SPTBN4: variants seen among roughly 807,000 people sequenced by gnomAD.
SPTBN4 encodes spectrin beta chain, non-erythrocytic 4.
A neutral mutation model predicts 277.8 loss-of-function variants in SPTBN4; 96 were observed. The observed-to-expected ratio is 0.35, with a 90% CI of 0.29 to 0.41. The LOEUF (loss-of-function observed/expected upper bound fraction) is 0.41. Ranked by LOEUF, SPTBN4 falls within the 10% of genes least tolerant of loss-of-function variation. SPTBN4 has a pLI of 1.00. For missense variants in SPTBN4, 3,006 were observed against 3,595.7 expected, an observed-to-expected ratio of 0.84 and a Z score of 4.19; for synonymous variants, 1,481 against 1,580.3, an observed-to-expected ratio of 0.94 and a Z score of 1.49.
At chr19:40,487,571 C>T in intron 2 of SPTBN4, 126 bp from the exon 3 acceptor site, 2 of 1,258,476 alleles carry the variant, frequency 1.6e-6, no homozygotes, top group Non-Finnish European at 2.1e-6. Context: ...GTCTCGAACT[C>T]CTACCTCAGG....
At chr19:40,534,385 TG>T in intron 20 of SPTBN4, 42 bp downstream of exon 20, 2 of 1,598,306 alleles carry the variant, frequency 1.3e-6, no homozygotes, top group Non-Finnish European at 1.7e-6. Flanking sequence ...CTATGCCACA[TG>T]GGGGCCAGGT....
intron 7 of SPTBN4, 71 bp from the exon 8 acceptor site, chr19:40,501,850 T>A: frequency 7.6e-7 from 1 of 1,310,378 alleles, no homozygotes; most frequent in Non-Finnish European, 1.1e-6. Flanking sequence ...TCTCCATCCC[T>A]CCATCCAATA....
At chr19:40,542,944 C>T (rs2080818382) in intron 20 of SPTBN4, among the ~76,000 whole-genome samples, 1 of 151,974 alleles carries the variant, frequency 6.6e-6, no homozygotes, top group Admixed American at 6.6e-5. Flanking sequence ...GGCTCGGGGT[C>T]TGAGGGGTGG....
rs1421855128 is a variant in SPTBN4, at chr19:40,519,482, G to A, written c.2985G>A (p.Glu995=). The A allele has an allele frequency of 1.2e-6, 2 of 1,608,276 alleles. No individual in the cohort carries two copies. The highest frequency in any genetic ancestry group is 2.3e-5 in the East Asian group (1 of 43,872). Residue 995 remains glutamate, a synonymous_variant, in exon 16 of 36, where the codon GAG becomes GAA. Transcript: ENST00000598249. The surrounding 1 kb of genome is among the most constrained non-coding windows in gnomAD (Gnocchi z 5.7). The part of the protein sequence containing the change: ...AVLLVENHVL[E]VAEVRAQVRE... ...TGCTGGTGGAGAACCACGTGCTGGAGGTGGCCGAGGTGCGCGCCCAGGTGC... is the reference window on the plus strand; with the variant it reads ...TGCTGGTGGAGAACCACGTGCTGGAAGTGGCCGAGGTGCGCGCCCAGGTGC...
rs1029947811 is a variant in SPTBN4 at position 40,560,560 on chromosome 19, A to C, written c.5915+157A>C. Reference sequence around the variant, plus strand: ...GCACTGTTCTAGGTGCTTCGTGTGTATTCAGACCCCTTTTTTAGGCCTGTC... The same window carrying C: ...GCACTGTTCTAGGTGCTTCGTGTGTCTTCAGACCCCTTTTTTAGGCCTGTC... On this transcript the variant is annotated intron_variant, in intron 27 of 35. Coordinates refer to ENST00000598249, the MANE Select transcript of SPTBN4 (RefSeq NM_020971.3). This position sits in a 1 kb window ranked among gnomAD's most constrained non-coding sequence, Gnocchi z 5.2. The C allele has an allele frequency of 3.7e-5, 56 of 1,509,008 alleles. No homozygotes were observed. The highest frequency in any genetic ancestry group is 1.1e-5 in the Non-Finnish European group (12 of 1,132,728). The allele number at this position is 1,509,008 out of a possible 1,614,324, so 93.5% of individuals were successfully genotyped here.
intron 33 of SPTBN4, chr19:40,571,117 CT>C: frequency 5.3e-6 from 1 of 187,018 alleles, no homozygotes; most frequent in South Asian, 7.9e-5. Context: ...AACCTAACCT[CT>C]TAGCAACCAA....
intron 31 of SPTBN4, 144 bp from the exon 32 acceptor site, chr19:40,569,513 C>G (rs968960314): frequency 6.7e-6 from 5 of 740,830 alleles, no homozygotes; most frequent in Admixed American, 2.9e-5. Context: ...GTACCTAAGG[C>G]GAGCATCTGA....
intron 2 of SPTBN4, 66 bp from the exon 3 acceptor site, chr19:40,487,631 C>T (rs2080087229): frequency 4.5e-6 from 7 of 1,555,180 alleles, no homozygotes; most frequent in South Asian, 1.2e-5. Flanking sequence ...TCTGAGCAGG[C>T]TTGGCTCGCG....
rs202136395 is a variant in SPTBN4 at position 40,502,763 on chromosome 19, C to G, written c.1204-12C>G. On this transcript the variant is annotated splice_polypyrimidine_tract_variant and intron_variant, in intron 10 of 35. Transcript: ENST00000598249. This position sits in a 1 kb window ranked among gnomAD's most constrained non-coding sequence, Gnocchi z 4.9. ...CTGTCAGAGTCTGAGTGCCTCCTCC[C>G]ATCTCCTGCAGGCATGGGGTGAGCT... 3 of 1,612,614 alleles carry G rather than the reference C, an allele frequency of 1.9e-6. No homozygotes were observed. Among genetic ancestry groups the G allele is most frequent in the Admixed American group, 1.7e-5 (1 of 59,848 alleles).
intron 18 of SPTBN4, among the ~76,000 whole-genome samples, chr19:40,531,684 C>A (rs542298983): frequency 2.0e-5 from 3 of 150,966 alleles, no homozygotes; most frequent in African/African-American, 7.3e-5. Flanking sequence ...TCTCTAGTGC[C>A]GTGAGAGGGG....
intron 14 of SPTBN4, among the ~76,000 whole-genome samples, chr19:40,513,755 T>C (rs760190311): frequency 7.9e-5 from 12 of 152,170 alleles, no homozygotes; most frequent in Non-Finnish European, 1.8e-4. Flanking sequence ...ATGGGGGTGA[T>C]ATTAGTCCCT....
At chr19:40,535,327 G>A (rs2080723201) in intron 20 of SPTBN4, among the ~76,000 whole-genome samples, 1 of 152,098 alleles carries the variant, frequency 6.6e-6, no homozygotes, top group African/African-American at 2.4e-5. Flanking sequence ...CAAAGTGCTT[G>A]GATTACAGGT....
At chr19:40,477,700 A>G (rs1056665663) in intron 2 of SPTBN4, among the ~76,000 whole-genome samples, 18 of 152,202 alleles carry the variant, frequency 1.2e-4, no homozygotes, top group Non-Finnish European at 1.5e-5. Flanking sequence ...ATGAATTGGC[A>G]TGAACACTGG....
At chr19:40,539,105 G>A (rs1042946539) in intron 20 of SPTBN4, among the ~76,000 whole-genome samples, 2 of 152,190 alleles carry the variant, frequency 1.3e-5, no homozygotes, top group African/African-American at 4.8e-5. Flanking sequence ...CCAAAGTGCT[G>A]GGATCACAGG....
chr19:40,495,659 C>T (rs2080188640), intron 6 of SPTBN4, among the ~76,000 whole-genome samples: 1 of 151,544 alleles, frequency 6.6e-6, no homozygotes, highest in African/African-American at 2.4e-5. Context: ...AACCCCCCCA[C>T]CACCACCAAA....
intron 20 of SPTBN4, among the ~76,000 whole-genome samples, chr19:40,536,353 A>G (rs2080735971): frequency 6.6e-6 from 1 of 152,074 alleles, no homozygotes; most frequent in Non-Finnish European, 1.5e-5. Context: ...AGCTGGGATT[A>G]CAGGCATGTG....
At chr19:40,503,783 G>A (rs767241742) in intron 11 of SPTBN4, 47 bp from the exon 12 acceptor site, 3 of 1,537,824 alleles carry the variant, frequency 2.0e-6, no homozygotes, top group African/African-American at 2.7e-5. Flanking sequence ...AAGGTAACAG[G>A]TGGACTGCTG....
chr19:40,519,718 C>G lies in SPTBN4; in HGVS notation c.3221C>G (p.Ala1074Gly). Residue 1074 changes from alanine (A) to glycine (G), a missense_variant, in exon 16 of 36, where the codon GCT becomes GGT. This residue lies in a region of SPTBN4 where 1,759 missense variants were observed against 2,061.5 expected (regional missense o/e 0.85). Coordinates refer to ENST00000598249, the MANE Select transcript of SPTBN4 (RefSeq NM_020971.3). This position sits in a 1 kb window ranked among gnomAD's most constrained non-coding sequence, Gnocchi z 5.7. ...CTGGGCGCCGAGTGGGGCGCGCTAG[C>G]TAGCGCGGCTCAGGCCTGCGGCGAG... Reference protein sequence around the residue: ...EELGAEWGALASAAQACGEAV... With the variant: ...EELGAEWGALGSAAQACGEAV... 3 of 1,397,390 alleles carry G rather than the reference C, an allele frequency of 2.1e-6. No homozygotes were observed. The highest frequency in any genetic ancestry group is 1.6e-5 in the South Asian group (1 of 62,420). 86.6% of individuals were successfully genotyped at this position (1,397,390 alleles called of 1,614,324 possible).
chr19:40,516,721 G>A (rs1328927291), intron 15 of SPTBN4, among the ~76,000 whole-genome samples: 1 of 152,112 alleles, frequency 6.6e-6, no homozygotes, highest in Non-Finnish European at 1.5e-5. Flanking sequence ...CTACTCAGGA[G>A]GCTGAGGCAG....
Sources: allele counts gnomAD v4.1 joint callset (sites outside exome capture counted in the v4.1 genomes callset), GRCh38; gene constraint gnomAD v4.1.1; regional missense constraint gnomAD v4.1.1; non-coding constraint Gnocchi (gnomAD v3.1); transcripts MANE v1.5; gene names NCBI Gene and HGNC (gene_info 2026-07-23, HGNC 2026-07-21).